The following NRXN1 variants were observed in gnomAD, a reference collection of about 807,000 sequenced individuals.
NRXN1 encodes neurexin 1, also known as neurexin-1.
A neutral mutation model predicts 150.9 loss-of-function variants in NRXN1; 39 were observed. That is an observed-to-expected ratio of 0.26 (90% CI 0.20 to 0.34). The LOEUF (loss-of-function observed/expected upper bound fraction) is 0.34, where lower values mean the gene tolerates loss of function less well. Ranked by LOEUF, NRXN1 falls within the 10% of genes least tolerant of loss-of-function variation. The pLI, the probability that NRXN1 is intolerant of heterozygous loss-of-function variation, is 1.00. For missense variants in NRXN1, 1,815 were observed against 1,949.9 expected (o/e 0.93, Z 1.30); for synonymous variants, 924 against 757.0 (o/e 1.22, Z -3.62).
At chr2:50,537,487 C>T (rs748087166) in intron 10 of NRXN1, among the ~76,000 whole-genome samples, 52 of 152,124 alleles carry the variant, frequency 3.4e-4, no homozygotes, top group Non-Finnish European at 3.1e-4. Context: ...TATTGCCCTT[C>T]AGTTTTCTTT....
chr2:50,530,183 A>T (rs1308427175), intron 11 of NRXN1, among the ~76,000 whole-genome samples: 13 of 152,206 alleles, frequency 8.5e-5, no homozygotes, highest in Admixed American at 8.5e-4. Context: ...TAATGATAAC[A>T]CTGAAAATTT....
chr2:50,233,842 G>C (rs1275331889), intron 18 of NRXN1, among the ~76,000 whole-genome samples: 2 of 151,866 alleles, frequency 1.3e-5, no homozygotes, highest in Non-Finnish European at 2.9e-5. Context: ...GAAAGAAGTA[G>C]AACAATTTAT....
chr2:51,023,367 T>C (rs7557525), intron 2 of NRXN1, among the ~76,000 whole-genome samples: 45,246 of 152,108 alleles, frequency 0.3, 7,302 homozygotes, highest in Non-Finnish European at 0.37. Flanking sequence ...ACCCCACTCC[T>C]CTCAAGTAGG....
chr2:50,139,501 C>A (rs1359223043), intron 18 of NRXN1, among the ~76,000 whole-genome samples: 1 of 152,000 alleles, frequency 6.6e-6, no homozygotes, highest in Admixed American at 6.6e-5. Flanking sequence ...AAAGTTAGGG[C>A]AAAAGTATGA....
At chr2:50,376,915 G>C (rs995664148) in intron 17 of NRXN1, among the ~76,000 whole-genome samples, 1 of 151,674 alleles carries the variant, frequency 6.6e-6, no homozygotes. Flanking sequence ...ACCGCTCTGC[G>C]CTTCTGTTCC....
At chr2:50,017,178 T>C (rs1573430521) in intron 21 of NRXN1, among the ~76,000 whole-genome samples, 1 of 152,266 alleles carries the variant, frequency 6.6e-6, no homozygotes, top group East Asian at 1.9e-4. Flanking sequence ...GTGAGCACTT[T>C]GGGGCCCTCT....
intron 2 of NRXN1, among the ~76,000 whole-genome samples, chr2:50,960,166 C>A (rs1039030093): frequency 6.6e-6 from 1 of 151,854 alleles, no homozygotes; most frequent in Non-Finnish European, 1.5e-5. Context: ...CATTAAAGAT[C>A]AGGTATTTAT....
At chr2:50,882,542 T>C (rs950145375) in intron 5 of NRXN1, among the ~76,000 whole-genome samples, 8 of 151,956 alleles carry the variant, frequency 5.3e-5, no homozygotes, top group African/African-American at 1.7e-4. Context: ...TCTCCCCATG[T>C]TACCCAGACA....
At chr2:50,264,319 C>G (rs1276588301) in intron 17 of NRXN1, among the ~76,000 whole-genome samples, 1 of 151,994 alleles carries the variant, frequency 6.6e-6, no homozygotes, top group Non-Finnish European at 1.5e-5. Context: ...CATTGTAGAA[C>G]AGTCGCTAGG....
At chr2:50,619,247 G>T (rs934266983) in intron 8 of NRXN1, 2 of 152,124 alleles carry the variant, frequency 1.3e-5, no homozygotes, top group Non-Finnish European at 2.9e-5. Context: ...CAATGTAAGA[G>T]GAACCTCTGG....
intron 5 of NRXN1, among the ~76,000 whole-genome samples, chr2:50,828,242 C>T (rs1472790150): frequency 6.6e-6 from 1 of 150,586 alleles, no homozygotes; most frequent in East Asian, 2.0e-4. Flanking sequence ...CCCCTCACCT[C>T]CCGGACGGGG....
chr2:50,399,789 T>TAAAAAA (rs562980355), intron 17 of NRXN1, among the ~76,000 whole-genome samples: 2 of 60,514 alleles, frequency 3.3e-5, no homozygotes, highest in Non-Finnish European at 6.1e-5. Context: ...AGAGAACTGG[T>TAAAAAA]AAAAAAAAAA....
chr2:50,183,964 A>G (rs1372834564), intron 18 of NRXN1, among the ~76,000 whole-genome samples: 1 of 152,016 alleles, frequency 6.6e-6, no homozygotes, highest in Non-Finnish European at 1.5e-5. Flanking sequence ...AATTATAGCA[A>G]GTACATTCGC....
At chr2:50,332,310 G>A (rs375314416) in intron 17 of NRXN1, among the ~76,000 whole-genome samples, 1 of 152,096 alleles carries the variant, frequency 6.6e-6, no homozygotes, top group East Asian at 1.9e-4. Context: ...AAACATTTGA[G>A]TATCTATGAA....
chr2:50,418,752 G>T (rs939400), intron 17 of NRXN1, among the ~76,000 whole-genome samples: 67,287 of 151,700 alleles, frequency 0.44, 15,605 homozygotes, highest in East Asian at 0.81. Context: ...AGAGGAATCA[G>T]TCTCAAACAC....
intron 9 of NRXN1, among the ~76,000 whole-genome samples, chr2:50,545,383 A>T (rs1051689907): frequency 3.9e-5 from 6 of 152,148 alleles, no homozygotes; most frequent in Non-Finnish European, 8.8e-5. Context: ...AGTTCCACAG[A>T]TTTCCACTCA....
intron 22 of NRXN1, among the ~76,000 whole-genome samples, chr2:49,927,255 A>G (rs543846983): frequency 1.3e-5 from 2 of 152,350 alleles, no homozygotes; most frequent in East Asian, 3.9e-4. Flanking sequence ...GATTACTTTT[A>G]AATATAACTT....
chr2:50,768,480 T>A (rs1702615551), intron 5 of NRXN1, among the ~76,000 whole-genome samples: 2 of 151,666 alleles, frequency 1.3e-5, no homozygotes, highest in African/African-American at 4.8e-5. Flanking sequence ...TTTTTTTTTT[T>A]AATTTTAGTA....
chr2:50,282,204 T>C (rs961425751), intron 17 of NRXN1, among the ~76,000 whole-genome samples: 1 of 152,174 alleles, frequency 6.6e-6, no homozygotes, highest in East Asian at 1.9e-4. Context: ...AAGAGCTTTA[T>C]ATGCCATGCT....
Sources: allele counts gnomAD v4.1 joint callset (sites outside exome capture counted in the v4.1 genomes callset), GRCh38; gene constraint gnomAD v4.1.1; transcripts MANE v1.5; gene names NCBI Gene and HGNC (gene_info 2026-07-23, HGNC 2026-07-21).